Variants in POSTN observed in about 807,000 individuals in gnomAD.
POSTN encodes osteoblast specific factor 2 (fasciclin I-like).
In POSTN, 71 loss-of-function variants were observed where a neutral mutation model predicts 104.5. That is an observed-to-expected ratio of 0.68 (90% CI 0.56 to 0.83). The LOEUF (loss-of-function observed/expected upper bound fraction) is 0.83. POSTN is among the 40% of genes least tolerant of loss of function. POSTN has a pLI of 0.00. For synonymous variants in POSTN, 355 were observed against 340.7 expected, an observed-to-expected ratio of 1.04 and a Z score of -0.46; for missense variants, 949 against 1,006.8, an observed-to-expected ratio of 0.94 and a Z score of 0.78.
rs748997304 is a variant in POSTN, at chr13:37,580,716, G to A, written c.1393-19C>T. 2 of 1,613,476 alleles carry A rather than the reference G, an allele frequency of 1.2e-6. No individual in the cohort carries two copies. Among genetic ancestry groups the A allele is most frequent in the African/African-American group, 2.7e-5 (2 of 74,980 alleles). On this transcript the variant is annotated intron_variant, in intron 10 of 22. Transcript: ENST00000379747. ...AGACAGCCTAGGAAAGGAAAGAAAG[G>A]TATGGGGTGTCATTTTCCTTGCTTG...
At position 37,584,699 on chromosome 13, in the gene POSTN, CAA is replaced by C. The variant is rs760340762; in HGVS notation, c.1108+15_1108+16del. ...GTAAGTAAAAAAACAAAAACAAAAA[CAA>C]AAAAAGTTGCTTACCAGAATCAGGA... On this transcript the variant is annotated intron_variant, in intron 8 of 22. Coordinates refer to ENST00000379747, the MANE Select transcript of POSTN (RefSeq NM_006475.3). 1.9e-6 allele frequency: 3 copies of C among 1,600,110 alleles called. No homozygotes were observed. The highest frequency in any genetic ancestry group is 1.3e-5 in the African/African-American group (1 of 74,358).
intron 16 of POSTN, among the ~76,000 whole-genome samples, chr13:37,575,338 T>C (rs1950374030): frequency 6.6e-6 from 1 of 151,858 alleles, no homozygotes; most frequent in Non-Finnish European, 1.5e-5. Context: ...CTAAGTAAGA[T>C]AATAGTCTTT....
At chr13:37,569,239 A>T in intron 21 of POSTN, 61 bp downstream of exon 21, 1 of 1,254,020 alleles carries the variant, frequency 8.0e-7, no homozygotes, top group Non-Finnish European at 1.1e-6. Flanking sequence ...CTCAGTCTTT[A>T]AAAAGTTGAA....
intron 21 of POSTN, among the ~76,000 whole-genome samples, chr13:37,567,800 T>C (rs965745783): frequency 1.3e-5 from 2 of 152,168 alleles, no homozygotes; most frequent in African/African-American, 2.4e-5. Flanking sequence ...GTTATATGTT[T>C]TCTTGGCTGA....
At chr13:37,590,297 C>T (rs1950889980) in intron 4 of POSTN, 75 bp downstream of exon 4, 11 of 1,202,966 alleles carry the variant, frequency 9.1e-6, no homozygotes, top group Admixed American at 8.1e-5. Context: ...TACTAATATC[C>T]AAGTTAATAA....
rs1167633316 is a variant in POSTN at position 37,577,818 on chromosome 13, T to G, written c.1963-20A>C. The stretch of plus-strand genomic sequence containing the variant: ...AACAAACTGAAAATAAATGTTTATA[T>G]TTAGTAACATGAAAGGTGATAGTTG... On this transcript the variant is annotated intron_variant, in intron 15 of 22. Transcript: ENST00000379747. 5.0e-6 allele frequency: 8 copies of G among 1,613,130 alleles called. No individual in the cohort carries two copies. The highest frequency in any genetic ancestry group is 6.8e-6 in the Non-Finnish European group (8 of 1,179,546).
Position 37,587,962 on chromosome 13 carries a change from T to A in POSTN, c.466A>T (p.Asn156Tyr), listed in dbSNP as rs1950799652. ...GCATTCAGTAATTCAACATTCACGTTGCTCTCCAAACCTCTACGGATATCC... is the reference window on the plus strand; with the variant it reads ...GCATTCAGTAATTCAACATTCACGTAGCTCTCCAAACCTCTACGGATATCC... Reference protein sequence around the residue: ...DSDIRRGLESNVNVELLNALH... With the variant: ...DSDIRRGLESYVNVELLNALH... Residue 156 changes from asparagine (N) to tyrosine (Y), a missense_variant, in exon 5 of 23, where the codon AAC becomes TAC. By Grantham distance (143) the Asn-to-Tyr change is moderately radical (BLOSUM62 -2). Coordinates refer to ENST00000379747, the MANE Select transcript of POSTN (RefSeq NM_006475.3). 1 of 1,604,260 alleles carries A rather than the reference T, an allele frequency of 6.2e-7. No individual in the cohort carries two copies. Among genetic ancestry groups the A allele is most frequent in the Admixed American group, 1.7e-5 (1 of 59,540 alleles).
At chr13:37,581,277 C>T (rs977416754) in intron 10 of POSTN, among the ~76,000 whole-genome samples, 6 of 152,218 alleles carry the variant, frequency 3.9e-5, no homozygotes, top group African/African-American at 1.4e-4. Flanking sequence ...GAGCTGCTGA[C>T]ATGTGCCAGA....
In POSTN at chr13:37,590,491, C is replaced by G; in HGVS notation, c.322G>C (p.Val108Leu). Residue 108 changes from valine to leucine, a missense_variant, in exon 4 of 23, where the codon GTG (valine) becomes CTG (leucine). By Grantham distance (32) the Val-to-Leu change is conservative. Transcript: ENST00000379747. ...TAGCGCTGCGTTGTGGTGGCTCCCA[C>G]GATGCCCAGAGTGCCATAAACATGG... ...IDHVYGTLGIVGATTTQRYSD... is the reference protein window; with the variant it reads ...IDHVYGTLGILGATTTQRYSD... 3 of 1,612,682 alleles carry G rather than the reference C, an allele frequency of 1.9e-6. No homozygotes were observed. The South Asian group carries it at 3.3e-5, about 18-fold the overall frequency.
At chr13:37,564,845 G>A (rs1412288313) in intron 21 of POSTN, 1 of 260,578 alleles carries the variant, frequency 3.8e-6, no homozygotes, top group African/African-American at 2.2e-5. Context: ...TTTTTGCAGA[G>A]TAAATGACTT....
intron 6 of POSTN, among the ~76,000 whole-genome samples, chr13:37,586,512 C>T (rs1950749553): frequency 6.6e-6 from 1 of 152,144 alleles, no homozygotes; most frequent in Non-Finnish European, 1.5e-5. Flanking sequence ...GTAGCAATAT[C>T]CAGCAGTACA....
At position 37,578,488 on chromosome 13, in the gene POSTN, A is replaced by G. The variant is rs937962925; in HGVS notation, c.1962+356T>C. ...GTTAAACCTGTAATATATGTTCTAC[A>G]TATTAGAAATAAATCAAGTAACTTT... On this transcript the variant is annotated intron_variant, in intron 15 of 22. Transcript: ENST00000379747. Among the ~76,000 whole-genome samples, 6 of 148,286 alleles carry G rather than the reference A, an allele frequency of 4.0e-5. No homozygotes were observed. The East Asian group carries it at 1.2e-3, about 29-fold the overall frequency.
Position 37,584,792 on chromosome 13 carries a change from T to A in POSTN, c.1032A>T (p.Lys344Asn). Reference protein sequence around the residue: ...DGDSITVNGIKMVNKKDIVTN... With the variant: ...DGDSITVNGINMVNKKDIVTN... ...TCACAATATCCTTTTTGTTCACCAT[T>A]TTGATTCCATTTACTGTTATACTGT... Residue 344 changes from lysine to asparagine, a missense_variant, in exon 8 of 23, where the codon AAA becomes AAT. Transcript: ENST00000379747. 1 of 1,613,914 alleles carries A rather than the reference T, an allele frequency of 6.2e-7. No individual in the cohort carries two copies. The highest frequency in any genetic ancestry group is 8.5e-7 in the Non-Finnish European group (1 of 1,179,906).
intron 3 of POSTN, among the ~76,000 whole-genome samples, chr13:37,590,937 A>T (rs1379552782): frequency 6.6e-6 from 1 of 152,182 alleles, no homozygotes; most frequent in Non-Finnish European, 1.5e-5. Flanking sequence ...CAAATGATTT[A>T]AAATATTCAA....
chr13:37,587,313 T>G (rs1321681319), intron 5 of POSTN, among the ~76,000 whole-genome samples: 1 of 152,186 alleles, frequency 6.6e-6, no homozygotes. Context: ...AAACAAATAA[T>G]TATTGTATAG....
intron 16 of POSTN, among the ~76,000 whole-genome samples, chr13:37,575,554 C>G (rs1650992814): frequency 6.6e-6 from 1 of 152,120 alleles, no homozygotes; most frequent in Non-Finnish European, 1.5e-5. Context: ...TGAAGCCACA[C>G]AGCCAGAGCA....
intron 7 of POSTN, among the ~76,000 whole-genome samples, chr13:37,585,281 C>T (rs902725955): frequency 1.3e-5 from 2 of 152,136 alleles, no homozygotes; most frequent in African/African-American, 4.8e-5. Context: ...AGGGCTCACA[C>T]CTGTAATCCC....
chr13:37,564,526 T>A lies in POSTN; in HGVS notation c.2466A>T (p.Lys822Asn), dbSNP rs1950032607. The A allele has an allele frequency of 6.3e-7, 1 of 1,596,994 alleles. No individual in the cohort carries two copies. Among genetic ancestry groups the A allele is most frequent in the South Asian group, 1.1e-5 (1 of 89,824 alleles). The change falls in exon 22 of 23, where the codon AAA becomes AAT. Residue 822 changes from lysine to asparagine, a missense_variant. Transcript: ENST00000379747. ...TATAGCCAATACACTTACCTTGAACTTTTTTGTTGGCTTGCAACTTCCTCA... is the reference window on the plus strand; with the variant it reads ...TATAGCCAATACACTTACCTTGAACATTTTTGTTGGCTTGCAACTTCCTCA... ...TPVRKLQANK[K>N]VQGSRRRLRE... is the part of the protein sequence containing the mutation.
chr13:37,593,537 C>A (rs994041121), intron 2 of POSTN, among the ~76,000 whole-genome samples: 1 of 151,342 alleles, frequency 6.6e-6, no homozygotes, highest in Admixed American at 6.6e-5. Flanking sequence ...TGATAAATAT[C>A]ATGTCAAACA....
Sources: allele counts gnomAD v4.1 joint callset (sites outside exome capture counted in the v4.1 genomes callset), GRCh38; gene constraint gnomAD v4.1.1; transcripts MANE v1.5; gene names NCBI Gene and HGNC (gene_info 2026-07-23, HGNC 2026-07-21).